PPARG: variants seen among roughly 807,000 people sequenced by gnomAD.
The protein encoded by PPARG is peroxisome proliferator-activated receptor gamma.
Under a neutral mutation model 39.2 loss-of-function variants are expected in PPARG, and 17 were observed. The observed-to-expected ratio is 0.43, with a 90% CI of 0.30 to 0.65. PPARG has a LOEUF of 0.65. Among genes scored for constraint, PPARG ranks in the 30% least tolerant of loss-of-function variants. The pLI, the probability that PPARG is intolerant of heterozygous loss-of-function variation, is 0.13. For synonymous variants in PPARG, 223 were observed against 215.7 expected, an observed-to-expected ratio of 1.03 and a Z score of -0.30; for missense variants, 406 against 585.9, an observed-to-expected ratio of 0.69 and a Z score of 3.17.
At chr3:12,423,422 C>G (rs974717455) in intron 7 of PPARG, among the ~76,000 whole-genome samples, 4 of 152,206 alleles carry the variant, frequency 2.6e-5, no homozygotes, top group Non-Finnish European at 5.9e-5. Flanking sequence ...CATCTCTCTT[C>G]CCTGTCCCAT....
intron 5 of PPARG, among the ~76,000 whole-genome samples, chr3:12,401,977 G>A (rs1057048963): frequency 2.0e-5 from 3 of 152,166 alleles, no homozygotes; most frequent in African/African-American, 7.2e-5. Context: ...ATATTTGTTA[G>A]GTGATAGAAA....
chr3:12,380,532 A>G (rs985774259), intron 3 of PPARG, among the ~76,000 whole-genome samples: 2 of 152,134 alleles, frequency 1.3e-5, no homozygotes, highest in Non-Finnish European at 2.9e-5. Flanking sequence ...CTGTGATGCT[A>G]TTTCCTTGAT....
intron 2 of PPARG, among the ~76,000 whole-genome samples, chr3:12,330,485 GTTTGCCT>G (rs758948459): frequency 1.4e-4 from 22 of 152,088 alleles, no homozygotes; most frequent in Non-Finnish European, 2.5e-4. Context: ...AAATTGGGTT[GTTTGCCT>G]TTTGCCTTTC....
chr3:12,351,790 C>G (rs1427764925), intron 2 of PPARG: 1 of 804,632 alleles, frequency 1.2e-6, no homozygotes, highest in African/African-American at 1.7e-5. Flanking sequence ...CATGTGTACA[C>G]TCCAGTATTT....
chr3:12,341,000 T>C (rs970104258), intron 2 of PPARG, among the ~76,000 whole-genome samples: 3 of 152,088 alleles, frequency 2.0e-5, no homozygotes, highest in Non-Finnish European at 2.9e-5. Flanking sequence ...CTGGCCAATA[T>C]GGTGAAACCT....
At chr3:12,335,435 T>C (rs1265045146) in intron 2 of PPARG, among the ~76,000 whole-genome samples, 1 of 152,236 alleles carries the variant, frequency 6.6e-6, no homozygotes, top group Non-Finnish European at 1.5e-5. Context: ...TTTAATAGGA[T>C]ACTTATTTTC....
intron 4 of PPARG, among the ~76,000 whole-genome samples, chr3:12,391,681 A>G (rs1047533487): frequency 6.6e-6 from 1 of 152,222 alleles, no homozygotes; most frequent in African/African-American, 2.4e-5. Context: ...GAAGCTGTCA[A>G]GTAATCAGAA....
At chr3:12,391,132 T>A (rs2050064251) in intron 4 of PPARG, among the ~76,000 whole-genome samples, 1 of 152,192 alleles carries the variant, frequency 6.6e-6, no homozygotes, top group Non-Finnish European at 1.5e-5. Context: ...TTACGTGACA[T>A]CTGTATTAAT....
intron 2 of PPARG, among the ~76,000 whole-genome samples, chr3:12,377,988 A>G (rs899652787): frequency 1.1e-4 from 17 of 152,208 alleles, no homozygotes; most frequent in Non-Finnish European, 2.2e-4. Context: ...GAAAGAAGAC[A>G]TACAAGTGGC....
At chr3:12,337,055 C>T (rs2048032276) in intron 2 of PPARG, among the ~76,000 whole-genome samples, 1 of 152,088 alleles carries the variant, frequency 6.6e-6, no homozygotes, top group Non-Finnish European at 1.5e-5. Context: ...TAATAATATA[C>T]TTGGGGAAAT....
chr3:12,359,229 A>G (rs750752266), intron 2 of PPARG, among the ~76,000 whole-genome samples: 1 of 152,198 alleles, frequency 6.6e-6, no homozygotes, highest in Non-Finnish European at 1.5e-5. Flanking sequence ...GTGATTAGCT[A>G]TCTTGATTTA....
At chr3:12,331,107 T>C (rs921345226) in intron 2 of PPARG, among the ~76,000 whole-genome samples, 1 of 152,176 alleles carries the variant, frequency 6.6e-6, no homozygotes, top group Non-Finnish European at 1.5e-5. Flanking sequence ...TTCTCAGTGT[T>C]CTTTGTTACT....
intron 6 of PPARG, among the ~76,000 whole-genome samples, chr3:12,408,572 T>C (rs977351635): frequency 1.0e-4 from 15 of 147,576 alleles, no homozygotes; most frequent in East Asian, 5.8e-4. Context: ...CTTTTCTTTT[T>C]TTTTTTTTTT....
At position 12,434,322 on chromosome 3, in the gene PPARG, T is replaced by C; in HGVS notation, c.*177T>C. ...ACACATTTACAATTTACTTTTAATA[T>C]TAAAAATTACCATATTATGAAATTG... On this transcript the variant is annotated 3_prime_UTR_variant, in exon 8 of 8. Coordinates refer to ENST00000651735, the MANE Select transcript of PPARG (RefSeq NM_138711.6). This position sits in a 1 kb window ranked among gnomAD's most constrained non-coding sequence, Gnocchi z 4.2. The C allele has an allele frequency of 1.2e-6, 1 of 838,794 alleles. No individual in the cohort carries two copies. Among genetic ancestry groups the C allele is most frequent in the Non-Finnish European group, 1.8e-6 (1 of 544,492 alleles). The allele number at this position is 838,794 out of a possible 1,614,324, so 52.0% of individuals were successfully genotyped here.
chr3:12,420,069 T>C (rs2051209993), intron 7 of PPARG, among the ~76,000 whole-genome samples: 1 of 152,224 alleles, frequency 6.6e-6, no homozygotes, highest in Non-Finnish European at 1.5e-5. Context: ...TCAAGAAGTT[T>C]ACATGCACAC....
intron 2 of PPARG, among the ~76,000 whole-genome samples, chr3:12,349,011 G>A (rs2048405709): frequency 6.6e-6 from 1 of 152,142 alleles, no homozygotes; most frequent in African/African-American, 2.4e-5. Flanking sequence ...ATCATATACT[G>A]TTTACTGGTA....
intron 2 of PPARG, among the ~76,000 whole-genome samples, chr3:12,361,796 T>G (rs114602829): frequency 0.029 from 4,491 of 152,312 alleles, 206 homozygotes; most frequent in African/African-American, 0.1. Flanking sequence ...CTTCAAGATT[T>G]CCTTGCCACT....
At position 12,294,183 on chromosome 3, in the gene PPARG, T is replaced by G. The variant is rs62242121; in HGVS notation, c.-83+5049T>G. Among the ~76,000 whole-genome samples, 920 of 152,286 alleles carry G rather than the reference T, an allele frequency of 6.0e-3. 6 individuals are homozygous for G. The highest frequency in any genetic ancestry group is 9.8e-3 in the Non-Finnish European group (667 of 68,008). ...CAGTTTCCTCATAAGCCAGAAACTT[T>G]GAAACAAAATAGGAAAATAACCATT... On this transcript the variant is annotated intron_variant, in intron 1 of 7. Coordinates refer to ENST00000651735, the MANE Select transcript of PPARG (RefSeq NM_138711.6).
intron 2 of PPARG, chr3:12,327,877 A>G (rs1289454308): frequency 5.7e-6 from 3 of 523,684 alleles, no homozygotes; most frequent in Non-Finnish European, 1.0e-5. Context: ...AGCAAACTGA[A>G]CAAATGAGAA....
Sources: gnomAD v4.1 joint callset for allele counts (sites outside exome capture counted in the v4.1 genomes callset) on GRCh38, gnomAD v4.1.1 for gene constraint, Gnocchi (gnomAD v3.1) non-coding constraint, MANE v1.5 for transcripts, NCBI Gene and HGNC (gene_info 2026-07-23, HGNC 2026-07-21) for gene names.